Variants in NRXN2 observed in about 807,000 individuals in gnomAD.
The protein encoded by NRXN2 is neurexin-2-beta.
In NRXN2, 29 loss-of-function variants were observed where a neutral mutation model predicts 128.8. That is an observed-to-expected ratio of 0.23 (90% CI 0.17 to 0.31). NRXN2 has a LOEUF of 0.31. NRXN2 is among the 10% of genes least tolerant of loss of function. The probability of loss-of-function intolerance (pLI) is 1.00; values close to 1 mark genes in which losing one functional copy is unlikely to be tolerated. For missense variants in NRXN2, 1,881 were observed against 2,452.6 expected (o/e 0.77, Z 4.92); for synonymous variants, 1,098 against 1,075.2 (o/e 1.02, Z -0.41).
Position 64,667,529 on chromosome 11 carries a change from G to A in NRXN2, c.1519C>T (p.Pro507Ser), listed in dbSNP as rs1331329876. The A allele has an allele frequency of 6.2e-7, 1 of 1,613,990 alleles. No homozygotes were observed. The highest frequency in any genetic ancestry group is 8.5e-7 in the Non-Finnish European group (1 of 1,179,996). Residue 507 changes from proline (P) to serine (S), a missense_variant, in exon 9 of 23, where the codon CCC becomes TCC. Coordinates refer to ENST00000265459, the MANE Select transcript of NRXN2 (RefSeq NM_015080.4). This position sits in a 1 kb window ranked among gnomAD's most constrained non-coding sequence, Gnocchi z 5.6. ...CCAGTGCGCTTAGCGCTCCAGCGGG[G>A]CAGCGCCACAAAGGCCTCGGGACTC... Reference protein sequence around the residue: ...FESPEAFVALPRWSAKRTGSI... With the variant: ...FESPEAFVALSRWSAKRTGSI...
chr11:64,692,908 G>GA (rs771723212), intron 3 of NRXN2, 32 bp from the exon 4 acceptor site: 5 of 1,543,776 alleles, frequency 3.2e-6, no homozygotes, highest in Admixed American at 1.8e-5. Flanking sequence ...AAGAAAGAAA[G>GA]AAAAAAAGAA....
At chr11:64,687,801 C>G (rs757252627) in intron 5 of NRXN2, among the ~76,000 whole-genome samples, 15 of 152,170 alleles carry the variant, frequency 9.9e-5, no homozygotes, top group Non-Finnish European at 1.8e-4. Flanking sequence ...CCTGCGGGAA[C>G]AGGTACAGGA....
intron 19 of NRXN2, among the ~76,000 whole-genome samples, chr11:64,627,072 G>A (rs2043164943): frequency 6.6e-6 from 1 of 152,066 alleles, no homozygotes; most frequent in African/African-American, 2.4e-5. Context: ...TGAACAGTGA[G>A]ATTTAAACCA....
At chr11:64,658,558 CCT>C (rs1480211773) in intron 11 of NRXN2, among the ~76,000 whole-genome samples, 1 of 152,230 alleles carries the variant, frequency 6.6e-6, no homozygotes, top group African/African-American at 2.4e-5. Context: ...CCAGTCCCCA[CCT>C]CTCTCAGCAA....
rs551178891 is a variant in NRXN2, at chr11:64,686,028, G to C, written c.851-81C>G. On this transcript the variant is annotated intron_variant, in intron 5 of 22. Coordinates refer to ENST00000265459, the MANE Select transcript of NRXN2 (RefSeq NM_015080.4). ...GTGCTTCCCTCTCCCCTCCAGCAAC[G>C]CAGGCACTGGTCCTGGGCACCAGGA... 9.6e-5 allele frequency: 144 copies of C among 1,494,664 alleles called. No individual in the cohort carries two copies. The African/African-American group carries it at 1.2e-3, about 13-fold the overall frequency. 92.6% of individuals were successfully genotyped at this position (1,494,664 alleles called of 1,614,324 possible). A position where few individuals can be genotyped will look rare whatever the true frequency, so the allele number is the denominator to read the frequency against.
intron 3 of NRXN2, among the ~76,000 whole-genome samples, chr11:64,693,683 G>A (rs1246711449): frequency 6.6e-6 from 1 of 152,286 alleles, no homozygotes; most frequent in Admixed American, 6.5e-5. Flanking sequence ...GTTCTAAGAG[G>A]AAACTGGGGT....
intron 17 of NRXN2, among the ~76,000 whole-genome samples, chr11:64,647,207 T>TTG (rs10535079): frequency 0.15 from 21,389 of 146,462 alleles, 1,537 homozygotes; most frequent in South Asian, 0.19. Context: ...AGACGCTTCG[T>TTG]TGTGTGTGTG....
intron 3 of NRXN2, among the ~76,000 whole-genome samples, chr11:64,696,528 T>TACATAC (rs147882738): frequency 1.6e-4 from 22 of 138,864 alleles, no homozygotes; most frequent in Non-Finnish European, 2.3e-4. Flanking sequence ...CATACATACA[T>TACATAC]ACACACACAC....
intron 3 of NRXN2, among the ~76,000 whole-genome samples, chr11:64,695,765 T>C (rs534052): frequency 0.06 from 9,116 of 151,898 alleles, 934 homozygotes; most frequent in African/African-American, 0.21. Context: ...TACACAGCCC[T>C]GCACAGCCAC....
chr11:64,714,235 C>G lies in NRXN2; in HGVS notation c.-244-292G>C, dbSNP rs993712662. 4.9e-4 allele frequency among the ~76,000 whole-genome samples: 74 copies of G among 152,190 alleles called. No individual in the cohort carries two copies. The highest frequency in any genetic ancestry group is 1.8e-3 in the African/African-American group (73 of 41,520). On this transcript the variant is annotated intron_variant, in intron 1 of 22. Transcript: ENST00000265459. This position sits in a 1 kb window ranked among gnomAD's most constrained non-coding sequence, Gnocchi z 4.5. ...CCCAACCTCAGCCCGCTCCCTCACC[C>G]TCTCAAAGGACCCCAGTGTCAGGAA...
chr11:64,647,251 G>A (rs945808189), intron 17 of NRXN2, among the ~76,000 whole-genome samples: 2 of 151,968 alleles, frequency 1.3e-5, no homozygotes, highest in African/African-American at 2.4e-5. Flanking sequence ...GTGTGTGTGC[G>A]TGCCTGTGTG....
intron 5 of NRXN2, 92 bp from the exon 6 acceptor site, chr11:64,686,039 T>A (rs1056534271): frequency 4.4e-5 from 64 of 1,441,270 alleles, no homozygotes; most frequent in Non-Finnish European, 6.0e-5. Context: ...CAGGCACTGG[T>A]CCTGGGCACC....
At chr11:64,720,184 G>A (rs1169915618) in intron 1 of NRXN2, among the ~76,000 whole-genome samples, 2 of 152,242 alleles carry the variant, frequency 1.3e-5, no homozygotes, top group Admixed American at 6.5e-5. Flanking sequence ...AGTGGTGGTG[G>A]CAGTGGGGAA....
At chr11:64,680,334 A>T (rs912708839) in intron 6 of NRXN2, among the ~76,000 whole-genome samples, 5 of 152,220 alleles carry the variant, frequency 3.3e-5, no homozygotes, top group Non-Finnish European at 5.9e-5. Context: ...AGAGAAGAGG[A>T]ACCCACTCCA....
chr11:64,635,528 C>T lies in NRXN2; in HGVS notation c.3404-76G>A. 2.7e-6 allele frequency: 4 copies of T among 1,509,368 alleles called. No homozygotes were observed. The South Asian group carries it at 3.5e-5, about 13-fold the overall frequency. The allele number at this position is 1,509,368 out of a possible 1,614,324, so 93.5% of individuals were successfully genotyped here. A position where few individuals can be genotyped will look rare whatever the true frequency, so the allele number is the denominator to read the frequency against. ...GGTCAGCAGGTCCTCAGGGTTGTGA[C>T]CAGAGGGATGGAACCCCAGGTCTAG... On this transcript the variant is annotated intron_variant, in intron 17 of 22. Transcript: ENST00000265459. This position sits in a 1 kb window ranked among gnomAD's most constrained non-coding sequence, Gnocchi z 4.8.
At position 64,635,157 on chromosome 11, in the gene NRXN2, CTGAGGGTTCCCCA is replaced by C; in HGVS notation, c.3585+101_3585+113del. On this transcript the variant is annotated intron_variant, in intron 18 of 22. Transcript: ENST00000265459. The surrounding 1 kb of genome is among the most constrained non-coding windows in gnomAD (Gnocchi z 4.8). ...CTCCAGCAATGAGGGAACAGAGGTT[CTGAGGGTTCCCCA>C]TGAGGGAAGACTTGAGGTGCTGATC... 8.2e-7 allele frequency: 1 copy of C among 1,218,382 alleles called. No individual in the cohort carries two copies. Among genetic ancestry groups the C allele is most frequent in the Non-Finnish European group, 1.2e-6 (1 of 831,760 alleles). 75.5% of individuals were successfully genotyped at this position (1,218,382 alleles called of 1,614,324 possible).
chr11:64,685,371 C>A (rs142190832), intron 6 of NRXN2, among the ~76,000 whole-genome samples: 311 of 152,244 alleles, frequency 2.0e-3, no homozygotes, highest in African/African-American at 7.0e-3. Flanking sequence ...CCCAGCTGCT[C>A]CCAACAATCT....
intron 1 of NRXN2, among the ~76,000 whole-genome samples, chr11:64,715,063 G>A (rs1406047029): frequency 2.0e-5 from 3 of 152,218 alleles, no homozygotes; most frequent in South Asian, 4.1e-4. Context: ...GAAAGAGGAA[G>A]GAGAGGAAGC....
At chr11:64,677,567 T>C (rs2051521576) in intron 6 of NRXN2, among the ~76,000 whole-genome samples, 1 of 152,218 alleles carries the variant, frequency 6.6e-6, no homozygotes, top group African/African-American at 2.4e-5. Flanking sequence ...GTTATAAGCG[T>C]GTTAGTAACA....
Sources: allele counts gnomAD v4.1 joint callset (sites outside exome capture counted in the v4.1 genomes callset), GRCh38; gene constraint gnomAD v4.1.1; non-coding constraint Gnocchi (gnomAD v3.1); transcripts MANE v1.5; gene names NCBI Gene and HGNC (gene_info 2026-07-23, HGNC 2026-07-21).